Variants in NOTCH3 observed in about 807,000 individuals in gnomAD.
NOTCH3 encodes the protein notch receptor 3, also known as neurogenic locus notch homolog protein 3.
Under a neutral mutation model 213.3 loss-of-function variants are expected in NOTCH3, and 86 were observed. The observed-to-expected ratio is 0.40, with a 90% CI of 0.34 to 0.48. NOTCH3 has a LOEUF of 0.48. NOTCH3 is among the 20% of genes least tolerant of loss of function. The probability of loss-of-function intolerance (pLI) is 0.57; values close to 1 mark genes in which losing one functional copy is unlikely to be tolerated. For synonymous variants in NOTCH3, 1,354 were observed against 1,355.9 expected (o/e 1.00, Z 0.03); for missense variants, 2,783 against 3,272.6 (o/e 0.85, Z 3.65).
chr19:15,186,390 TGTGTGTG>T (rs1358441153), intron 12 of NOTCH3, among the ~76,000 whole-genome samples: 2 of 61,388 alleles, frequency 3.3e-5, no homozygotes, highest in African/African-American at 5.9e-5. Flanking sequence ...TGTGTGTGTG[TGTGTGTG>T]TGTGTGTGTG....
chr19:15,195,470 C>T (rs2046962353), intron 2 of NOTCH3, among the ~76,000 whole-genome samples: 1 of 151,392 alleles, frequency 6.6e-6, no homozygotes, highest in East Asian at 2.0e-4. Flanking sequence ...CCCCTCTATC[C>T]CCCCACCCTC....
Position 15,170,105 on chromosome 19 carries a change from G to A in NOTCH3, c.5180C>T (p.Pro1727Leu), listed in dbSNP as rs989373826. ...VATDWMDTEC[P>L]EAKRLKVEEP... ...CAGTACCTTTAGCCGCTTGGCCTCT[G>A]GGCACTCTGTGTCCATCCAGTCTGT... Residue 1727 changes from proline (P) to leucine (L), a missense_variant, in exon 28 of 33, where the codon CCA becomes CTA. Transcript: ENST00000263388. 7.5e-6 allele frequency: 12 copies of A among 1,596,802 alleles called. No homozygotes were observed. The highest frequency in any genetic ancestry group is 1.7e-4 in the Middle Eastern group (1 of 6,014).
rs890052461 is a variant in NOTCH3, at chr19:15,160,184, A to G, written c.*478T>C. The G allele has an allele frequency of 4.2e-6, 1 of 240,502 alleles. No individual in the cohort carries two copies. Among genetic ancestry groups the G allele is most frequent in the African/African-American group, 2.2e-5 (1 of 45,388 alleles). 14.9% of individuals were successfully genotyped at this position (240,502 alleles called of 1,614,324 possible). ...GAATCCAGCTTGGCCGAATGGGCCC[A>G]CAGACTCAGCCCCACGGGGGCACTG... On this transcript the variant is annotated 3_prime_UTR_variant, in exon 33 of 33. Coordinates refer to ENST00000263388, the MANE Select transcript of NOTCH3 (RefSeq NM_000435.3).
Position 15,190,639 on chromosome 19 carries a change from G to A in NOTCH3, c.1036+785C>T, listed in dbSNP as rs930032395. Among the ~76,000 whole-genome samples, 13 of 152,122 alleles carry A rather than the reference G, an allele frequency of 8.5e-5. 1 individual carries two copies. Among genetic ancestry groups the A allele is most frequent in the Non-Finnish European group, 1.6e-4 (11 of 68,038 alleles). On this transcript the variant is annotated intron_variant, in intron 6 of 32. Transcript: ENST00000263388. Reference sequence around the variant, plus strand: ...CTTACACTGTCTCCCAGGCTGGAACGCAGTGGCTCAGTCTCAGCTCACTGC... The same window carrying A: ...CTTACACTGTCTCCCAGGCTGGAACACAGTGGCTCAGTCTCAGCTCACTGC...
chr19:15,171,708 G>T (rs1279317377), intron 25 of NOTCH3, among the ~76,000 whole-genome samples: 1 of 152,204 alleles, frequency 6.6e-6, no homozygotes, highest in Admixed American at 6.5e-5. Flanking sequence ...GTCTTGCTCT[G>T]TCGACAGGCT....
At position 15,192,686 on chromosome 19, in the gene NOTCH3, G is replaced by A. The variant is rs182673628; in HGVS notation, c.198-167C>T. On this transcript the variant is annotated intron_variant, in intron 2 of 32. Transcript: ENST00000263388. ...TCCCAGAACTTTGGGAGGCTGCGGCGGGCAGATCACTTGGGGTCAGGAGTT... is the reference window on the plus strand; with the variant it reads ...TCCCAGAACTTTGGGAGGCTGCGGCAGGCAGATCACTTGGGGTCAGGAGTT... Among the ~76,000 whole-genome samples, 604 of 152,304 alleles carry A rather than the reference G, an allele frequency of 4.0e-3. 7 individuals are homozygous for A. Among genetic ancestry groups the A allele is most frequent in the African/African-American group, 0.014 (571 of 41,562 alleles).
chr19:15,181,533 C>G (rs528439582), intron 17 of NOTCH3, 43 bp downstream of exon 17: 1 of 1,514,722 alleles, frequency 6.6e-7, no homozygotes, highest in Non-Finnish European at 9.0e-7. Context: ...CAGGCCCCAT[C>G]CCAAGCCAGA....
At chr19:15,198,545 G>C (rs1235434315) in intron 1 of NOTCH3, among the ~76,000 whole-genome samples, 1 of 152,198 alleles carries the variant, frequency 6.6e-6, no homozygotes, top group Admixed American at 6.5e-5. Flanking sequence ...GAGGTCAGGA[G>C]TTCGAGACCA....
intron 6 of NOTCH3, among the ~76,000 whole-genome samples, chr19:15,190,197 C>T (rs2046916764): frequency 6.6e-6 from 1 of 152,064 alleles, no homozygotes; most frequent in African/African-American, 2.4e-5. Flanking sequence ...TCACTTGAGC[C>T]CAGGAAGTCG....
chr19:15,184,084 CAAGGTTCT>C (rs1358564282), intron 16 of NOTCH3, among the ~76,000 whole-genome samples: 75 of 148,076 alleles, frequency 5.1e-4, no homozygotes, highest in African/African-American at 1.8e-3. Flanking sequence ...ACACAGACTC[CAAGGTTCT>C]AAGCCCAGCT....
In NOTCH3 at chr19:15,188,311, C is replaced by T. The variant is rs1416152273; in HGVS notation, c.1416G>A (p.Glu472=). The T allele has an allele frequency of 1.2e-6, 2 of 1,605,454 alleles. No homozygotes were observed. Among genetic ancestry groups the T allele is most frequent in the East Asian group, 4.5e-5 (2 of 44,774 alleles). ...TGTYCEVDID[E]CQSSPCVNGG... is the part of the protein sequence containing the mutation. ...CGTTGACACAGGGGCTACTCTGACACTCGTCAATGTCCACCTCGCAATAGG... is the reference window on the plus strand; with the variant it reads ...CGTTGACACAGGGGCTACTCTGACATTCGTCAATGTCCACCTCGCAATAGG... Residue 472 remains glutamate, a synonymous_variant, in exon 9 of 33, where the codon GAG becomes GAA. Coordinates refer to ENST00000263388, the MANE Select transcript of NOTCH3 (RefSeq NM_000435.3).
chr19:15,180,014 C>T, intron 20 of NOTCH3, 58 bp downstream of exon 20: 1 of 1,216,366 alleles, frequency 8.2e-7, no homozygotes, highest in Non-Finnish European at 1.2e-6. Context: ...AAATGTGTGC[C>T]CAGACGCACC....
At chr19:15,181,441 C>T (rs1300970924) in intron 17 of NOTCH3, 135 bp downstream of exon 17, 1 of 758,244 alleles carries the variant, frequency 1.3e-6, no homozygotes. Context: ...CTGGCCCTGC[C>T]CCATCAGTCA....
At chr19:15,178,489 A>T (rs1432285430) in intron 23 of NOTCH3, 4 of 448,240 alleles carry the variant, frequency 8.9e-6, no homozygotes, top group Non-Finnish European at 1.7e-5. Flanking sequence ...GGTTCAAGTG[A>T]TTCTCCTGCC....
intron 31 of NOTCH3, among the ~76,000 whole-genome samples, chr19:15,164,935 C>T (rs945559312): frequency 6.6e-5 from 10 of 152,122 alleles, no homozygotes; most frequent in African/African-American, 2.2e-4. Flanking sequence ...TATGCACCAC[C>T]GCACATGGCT....
At chr19:15,195,586 C>T (rs2046963248) in intron 2 of NOTCH3, among the ~76,000 whole-genome samples, 2 of 151,960 alleles carry the variant, frequency 1.3e-5, no homozygotes, top group Admixed American at 1.3e-4. Flanking sequence ...ATCCCCCCCA[C>T]CCCGGCCCCC....
intron 2 of NOTCH3, 59 bp downstream of exon 2, chr19:15,197,441 G>GGGGGGGCC: frequency 1.2e-5 from 9 of 768,350 alleles, no homozygotes; most frequent in Non-Finnish European, 2.1e-5. Context: ...AAGACAAATC[G>GGGGGGGCC]CCCCTCCCCC....
chr19:15,197,441 G>GGGC, intron 2 of NOTCH3, 59 bp downstream of exon 2: 32 of 768,300 alleles, frequency 4.2e-5, no homozygotes, highest in East Asian at 5.5e-5. Flanking sequence ...AAGACAAATC[G>GGGC]CCCCTCCCCC....
chr19:15,190,725 A>G (rs2046920278), intron 6 of NOTCH3, among the ~76,000 whole-genome samples: 1 of 152,216 alleles, frequency 6.6e-6, no homozygotes, highest in African/African-American at 2.4e-5. Flanking sequence ...AGCTGGGACT[A>G]CAGGCATGCG....
Sources: allele counts gnomAD v4.1 joint callset (sites outside exome capture counted in the v4.1 genomes callset), GRCh38; gene constraint gnomAD v4.1.1; transcripts MANE v1.5; gene names NCBI Gene and HGNC (gene_info 2026-07-23, HGNC 2026-07-21).